Variants in DNAH2 observed in about 807,000 individuals in gnomAD.
DNAH2 encodes the protein dynein axonemal heavy chain 2.
In DNAH2, 323 loss-of-function variants were observed where a neutral mutation model predicts 523.5. The ratio of observed to expected loss-of-function variants is 0.62; its 90% CI spans 0.56 to 0.68. The LOEUF is 0.68. Ranked by LOEUF, DNAH2 falls within the 30% of genes least tolerant of loss-of-function variation. The probability of loss-of-function intolerance (pLI) is 0.00; values close to 1 mark genes in which losing one functional copy is unlikely to be tolerated. For missense variants in DNAH2, 4,907 were observed against 5,701.5 expected (o/e 0.86, Z 4.49); for synonymous variants, 2,093 against 2,177.4 (o/e 0.96, Z 1.08).
In DNAH2 at chr17:7,759,453, G is replaced by A. The variant is rs1422901850; in HGVS notation, c.2480G>A (p.Arg827Gln). ...CAGCAGTGGATGCTGTACATGATTCGGCTGGACCGCATGATGGAGGATGCC... is the reference window on the plus strand; with the variant it reads ...CAGCAGTGGATGCTGTACATGATTCAGCTGGACCGCATGATGGAGGATGCC... The part of the protein sequence containing the change: ...IQQQWMLYMI[R>Q]LDRMMEDALR... Residue 827 changes from arginine to glutamine, a missense_variant, in exon 16 of 86, where the codon CGG becomes CAG. Physicochemically the swap from Arg to Gln is conservative, Grantham distance 43. Coordinates refer to ENST00000572933, the MANE Select transcript of DNAH2 (RefSeq NM_020877.5). 1.9e-6 allele frequency: 3 copies of A among 1,613,874 alleles called. No individual in the cohort carries two copies. Among genetic ancestry groups the A allele is most frequent in the South Asian group, 1.1e-5 (1 of 91,056 alleles).
intron 72 of DNAH2, among the ~76,000 whole-genome samples, chr17:7,820,841 A>C (rs185225460): frequency 0.014 from 2,124 of 152,290 alleles, 20 homozygotes; most frequent in Non-Finnish European, 0.021. Flanking sequence ...GGAGTTCAAG[A>C]CCAGACTGCC....
At chr17:7,818,882 A>T in intron 70 of DNAH2, 37 bp from the exon 71 acceptor site, 1 of 1,608,092 alleles carries the variant, frequency 6.2e-7, no homozygotes, top group East Asian at 2.2e-5. Context: ...TGGTCCCGCT[A>T]ACCCCTTGCT....
chr17:7,808,136 C>T (rs151214554), intron 63 of DNAH2, among the ~76,000 whole-genome samples: 90 of 152,094 alleles, frequency 5.9e-4, no homozygotes, highest in African/African-American at 1.8e-3. Context: ...TTTGGGAGGC[C>T]GAGGTAGGTG....
Position 7,781,033 on chromosome 17 carries a change from C to T in DNAH2, c.6004-9C>T, listed in dbSNP as rs2076591648. 6.2e-7 allele frequency: 1 copy of T among 1,613,940 alleles called. No homozygotes were observed. The highest frequency in any genetic ancestry group is 8.5e-7 in the Non-Finnish European group (1 of 1,180,048). ...CCTCAAGCCTGAGTCTCTGTCTTTT[C>T]CCATTCAGGTTCTGCTGCTCTCAAT... On this transcript the variant is annotated splice_polypyrimidine_tract_variant and intron_variant, in intron 38 of 85. Transcript: ENST00000572933.
intron 44 of DNAH2, among the ~76,000 whole-genome samples, chr17:7,790,362 G>A (rs890799401): frequency 5.9e-5 from 9 of 151,942 alleles, no homozygotes; most frequent in Middle Eastern, 3.4e-3. Context: ...AGCTGGGACC[G>A]CAGGCGTGCG....
At chr17:7,829,304 G>A (rs1036409845) in intron 77 of DNAH2, among the ~76,000 whole-genome samples, 5 of 152,102 alleles carry the variant, frequency 3.3e-5, no homozygotes, top group African/African-American at 1.2e-4. Flanking sequence ...GAGCCAGCGC[G>A]CCTGGCCACA....
chr17:7,794,624 G>T lies in DNAH2; in HGVS notation c.7674+266G>T, dbSNP rs192432622. Among the ~76,000 whole-genome samples, 13 of 152,328 alleles carry T rather than the reference G, an allele frequency of 8.5e-5. No homozygotes were observed. In the East Asian group the frequency reaches 2.5e-3, roughly 29 times the overall value. ...GTGAAGCCCAAGTAGACTAAGGAAG[G>T]TAGATCCTACAAAGCCCACGGCAGT... On this transcript the variant is annotated intron_variant, in intron 49 of 85. Transcript: ENST00000572933.
chr17:7,756,123 C>T (rs1249573931), intron 12 of DNAH2, among the ~76,000 whole-genome samples: 4 of 151,518 alleles, frequency 2.6e-5, no homozygotes, highest in African/African-American at 9.7e-5. Flanking sequence ...ACCTATAATC[C>T]CAGCTACTCG....
At chr17:7,728,790 G>T (rs1322384962) in intron 4 of DNAH2, among the ~76,000 whole-genome samples, 1 of 152,084 alleles carries the variant, frequency 6.6e-6, no homozygotes, top group Non-Finnish European at 1.5e-5. Context: ...TTCGAGACCA[G>T]CCTGGGTAAC....
intron 1 of DNAH2, 95 bp from the exon 2 acceptor site, chr17:7,719,626 A>T: frequency 6.8e-7 from 1 of 1,461,890 alleles, no homozygotes; most frequent in Non-Finnish European, 9.5e-7. Flanking sequence ...ATTGAGTTTC[A>T]GTCAATTTAT....
intron 11 of DNAH2, 45 bp from the exon 12 acceptor site, chr17:7,742,883 G>GTCTCATTAAAAA: frequency 7.6e-7 from 1 of 1,323,124 alleles, no homozygotes; most frequent in Non-Finnish European, 9.8e-7. Context: ...GCCCCTGGAG[G>GTCTCATTAAAAA]AAGGTGGCAG....
At chr17:7,724,943 A>G (rs1240297195) in intron 3 of DNAH2, among the ~76,000 whole-genome samples, 2 of 151,758 alleles carry the variant, frequency 1.3e-5, no homozygotes, top group Non-Finnish European at 2.9e-5. Flanking sequence ...GGGTTTTGTC[A>G]TATCGGCCAG....
At chr17:7,722,195 G>A (rs1026738916) in intron 2 of DNAH2, among the ~76,000 whole-genome samples, 2 of 146,384 alleles carry the variant, frequency 1.4e-5, no homozygotes, top group East Asian at 2.0e-4. Flanking sequence ...GACGGGGGGG[G>A]GGGTTCACCA....
At position 7,760,700 on chromosome 17, in the gene DNAH2, G is replaced by T; in HGVS notation, c.2786-40G>T. The T allele has an allele frequency of 6.3e-7, 1 of 1,584,390 alleles. No homozygotes were observed. The highest frequency in any genetic ancestry group is 8.6e-7 in the Non-Finnish European group (1 of 1,163,032). ...GGGCTCAGGCAGAAGTTGGGTTGGG[G>T]TGGAAGTCAGTGAGAAGCATCTTTC... is the stretch of plus-strand genomic sequence containing the variant. On this transcript the variant is annotated intron_variant, in intron 17 of 85. Coordinates refer to ENST00000572933, the MANE Select transcript of DNAH2 (RefSeq NM_020877.5). This position sits in a 1 kb window ranked among gnomAD's most constrained non-coding sequence, Gnocchi z 4.0.
In DNAH2 at chr17:7,798,588, T is replaced by G. The variant is rs1405597379; in HGVS notation, c.8429T>G (p.Val2810Gly). Residue 2810 changes from valine (V) to glycine (G), a missense_variant, in exon 55 of 86, where the codon GTG becomes GGG. Physicochemically the swap from Val to Gly is moderately radical, Grantham distance 109 (BLOSUM62 -3). This residue lies in a region of DNAH2 where 1,851 missense variants were observed against 2,139.4 expected (regional missense o/e 0.87). Transcript: ENST00000572933. This position sits in a 1 kb window ranked among gnomAD's most constrained non-coding sequence, Gnocchi z 5.5. ...DIKRLYRQAGVELKTTSFIFV... is the reference protein window; with the variant it reads ...DIKRLYRQAGGELKTTSFIFV... ...AAGCGTCTGTATCGCCAGGCTGGGGTGGAGCTCAAGACCACGTCCTTCATT... is the reference window on the plus strand; with the variant it reads ...AAGCGTCTGTATCGCCAGGCTGGGGGGGAGCTCAAGACCACGTCCTTCATT... 1 of 1,614,030 alleles carries G rather than the reference T, an allele frequency of 6.2e-7. No individual in the cohort carries two copies. Among genetic ancestry groups the G allele is most frequent in the East Asian group, 2.2e-5 (1 of 44,870 alleles).
In DNAH2 at chr17:7,819,221, T is replaced by C; in HGVS notation, c.10828T>C (p.Cys3610Arg). ...TCCCCACCGGCAGGCTTACCGCCCA[T>C]GCGCCCAGCGGGCATCAATCCTGTT... ...TDLAREAYRP[C>R]AQRASILFFV... is the part of the protein sequence containing the mutation. Residue 3610 changes from cysteine (C) to arginine (R), a missense_variant, in exon 72 of 86, where the codon TGC (cysteine) becomes CGC (arginine). Physicochemically the swap from Cys to Arg is radical, Grantham distance 180. Around this residue, in one of 3 missense-constraint regions of DNAH2, gnomAD observed 1,851 missense variants for 2,139.4 expected, o/e 0.87. Coordinates refer to ENST00000572933, the MANE Select transcript of DNAH2 (RefSeq NM_020877.5). 2 of 1,613,748 alleles carry C rather than the reference T, an allele frequency of 1.2e-6. No homozygotes were observed. Among genetic ancestry groups the C allele is most frequent in the African/African-American group, 1.3e-5 (1 of 75,062 alleles).
chr17:7,792,448 A>G, intron 46 of DNAH2, 105 bp downstream of exon 46: 1 of 1,252,112 alleles, frequency 8.0e-7, no homozygotes, highest in South Asian at 1.2e-5. Context: ...AGGAAGGAGA[A>G]GGTGGGTCCC....
At chr17:7,721,611 G>A (rs2074611020) in intron 2 of DNAH2, among the ~76,000 whole-genome samples, 2 of 152,200 alleles carry the variant, frequency 1.3e-5, no homozygotes, top group African/African-American at 4.8e-5. Flanking sequence ...CTCGGCCTCT[G>A]TGCCTCATTC....
intron 18 of DNAH2, among the ~76,000 whole-genome samples, chr17:7,762,107 T>A (rs562680195): frequency 6.6e-6 from 1 of 152,158 alleles, no homozygotes; most frequent in Non-Finnish European, 1.5e-5. Context: ...AAACAGATAT[T>A]ACACTACCTA....
Sources: gnomAD v4.1 joint callset for allele counts (sites outside exome capture counted in the v4.1 genomes callset) on GRCh38, gnomAD v4.1.1 for gene constraint, gnomAD v4.1.1 regional missense constraint, Gnocchi (gnomAD v3.1) non-coding constraint, MANE v1.5 for transcripts, NCBI Gene and HGNC (gene_info 2026-07-23, HGNC 2026-07-21) for gene names.